The following RNF130 variants were observed in gnomAD, a reference collection of about 807,000 sequenced individuals.
The protein encoded by RNF130 is E3 ubiquitin-protein ligase RNF130.
A neutral mutation model predicts 44.6 loss-of-function variants in RNF130; 21 were observed. The observed-to-expected ratio is 0.47, with a 90% CI of 0.33 to 0.68. The LOEUF (loss-of-function observed/expected upper bound fraction) is 0.68, where lower values mean the gene tolerates loss of function less well. Among genes scored for constraint, RNF130 ranks in the 30% least tolerant of loss-of-function variants. The pLI, the probability that RNF130 is intolerant of heterozygous loss-of-function variation, is 0.02. For synonymous variants in RNF130, 214 were observed against 210.4 expected, an observed-to-expected ratio of 1.02 and a Z score of -0.15; for missense variants, 479 against 560.6, an observed-to-expected ratio of 0.85 and a Z score of 1.47.
Position 179,960,845 on chromosome 5 carries a change from G to GA in RNF130, c.1244+2625dup, listed in dbSNP as rs5873676. Among the ~76,000 whole-genome samples the GA allele has an allele frequency of 2.2e-3, 325 of 147,978 alleles. 3 individuals are homozygous for GA. Among genetic ancestry groups the GA allele is most frequent in the South Asian group, 6.8e-3 (32 of 4,682 alleles). On this transcript the variant is annotated intron_variant, in intron 8 of 8. Transcript: ENST00000521389. ...AAAATTAAGCCAGGGCAATTAAGGTGAAAAAAAAAAAAATCTTATTTTGGT... is the reference window on the plus strand; with the variant it reads ...AAAATTAAGCCAGGGCAATTAAGGTGAAAAAAAAAAAAAATCTTATTTTGGT...
downstream of RNF130, among the ~76,000 whole-genome samples, chr5:179,952,327 T>TA (rs1762138168): frequency 6.6e-6 from 1 of 152,028 alleles, no homozygotes. Flanking sequence ...CAACTATAAA[T>TA]AAAAAACCTG....
intron 1 of RNF130, among the ~76,000 whole-genome samples, chr5:180,065,225 T>A (rs569144942): frequency 6.6e-6 from 1 of 152,038 alleles, no homozygotes; most frequent in Non-Finnish European, 1.5e-5. Context: ...TCATGGAAAA[T>A]TTTCCCCTTT....
chr5:179,948,206 G>T (rs756229087), intron 7 of RNF130, among the ~76,000 whole-genome samples: 3 of 152,166 alleles, frequency 2.0e-5, no homozygotes, highest in East Asian at 1.9e-4. Context: ...CTCTCATTCA[G>T]ATATTGCGAA....
intron 8 of RNF130, among the ~76,000 whole-genome samples, chr5:179,962,761 C>CCTG (rs1311351192): frequency 6.6e-6 from 1 of 152,190 alleles, no homozygotes; most frequent in Non-Finnish European, 1.5e-5. Context: ...CACCTCACTA[C>CCTG]AGCACCCCTG....
At chr5:180,043,318 C>CT (rs1764472539) in intron 1 of RNF130, among the ~76,000 whole-genome samples, 1 of 152,176 alleles carries the variant, frequency 6.6e-6, no homozygotes, top group African/African-American at 2.4e-5. Flanking sequence ...GAGCAAGACT[C>CT]TATCTCTAAA....
chr5:179,974,751 G>A (rs533037013), intron 5 of RNF130, among the ~76,000 whole-genome samples: 23 of 152,370 alleles, frequency 1.5e-4, no homozygotes, highest in South Asian at 1.0e-3. Context: ...CGAGTGTCAC[G>A]AGATGCCGGC....
intron 1 of RNF130, among the ~76,000 whole-genome samples, chr5:180,060,866 G>A (rs1196130326): frequency 1.1e-4 from 16 of 152,000 alleles, no homozygotes; most frequent in Admixed American, 8.5e-4. Context: ...TCGGGCGATC[G>A]AGACCATCCT....
At chr5:179,998,886 T>TATATATATATATATATATATATATATA (rs1389273465) in intron 3 of RNF130, among the ~76,000 whole-genome samples, 10 of 105,854 alleles carry the variant, frequency 9.4e-5, no homozygotes, top group Admixed American at 2.8e-4. Flanking sequence ...TATATATATG[T>TATATATATATATATATATATATATATA]TTTATATATC....
intron 3 of RNF130, among the ~76,000 whole-genome samples, chr5:179,982,870 C>CGCCGT (rs1344954301): frequency 6.6e-6 from 1 of 152,200 alleles, no homozygotes; most frequent in Non-Finnish European, 1.5e-5. Context: ...AGGTGTGAGC[C>CGCCGT]ACGGCACGCA....
chr5:179,917,939 G>A (rs191183977), exon 8 of RNF130: 1 of 152,390 alleles, frequency 6.6e-6, no homozygotes, highest in African/African-American at 2.4e-5. Context: ...CCAGGAGGTG[G>A]AGGCTGCAGT....
At chr5:179,937,933 T>TGTGAGAGAGA (rs1268947878) in intron 7 of RNF130, among the ~76,000 whole-genome samples, 18 of 116,220 alleles carry the variant, frequency 1.5e-4, no homozygotes, top group Admixed American at 2.6e-4. Context: ...TGTGTGTGTG[T>TGTGAGAGAGA]GAGAGAGAGA....
chr5:180,015,141 A>C (rs940567769), intron 2 of RNF130, among the ~76,000 whole-genome samples: 1 of 152,216 alleles, frequency 6.6e-6, no homozygotes, highest in Non-Finnish European at 1.5e-5. Flanking sequence ...AAAACTATAA[A>C]ATTAAAGCAA....
At chr5:179,981,435 A>C (rs1476926834) in intron 3 of RNF130, among the ~76,000 whole-genome samples, 1 of 152,248 alleles carries the variant, frequency 6.6e-6, no homozygotes, top group African/African-American at 2.4e-5. Context: ...CATGTAAGAA[A>C]AAATTTAGGG....
chr5:180,026,117 CA>C (rs34361237), intron 2 of RNF130, among the ~76,000 whole-genome samples: 16,812 of 130,838 alleles, frequency 0.13, 1,949 homozygotes, highest in African/African-American at 0.33. Context: ...TTCAACCATC[CA>C]AAAAAAAAAA....
At chr5:179,949,763 G>A (rs1342982766) in intron 7 of RNF130, among the ~76,000 whole-genome samples, 2 of 152,106 alleles carry the variant, frequency 1.3e-5, no homozygotes, top group South Asian at 2.1e-4. Context: ...AGCCTGCGTC[G>A]CTTGGCACGC....
chr5:180,015,467 G>A (rs1763695979), intron 2 of RNF130: 1 of 403,960 alleles, frequency 2.5e-6, no homozygotes, highest in Non-Finnish European at 5.5e-6. Context: ...GAAAGGAGTA[G>A]GGAAAGGAGT....
At chr5:179,918,771 C>T (rs1034570552) in exon 8 of RNF130, 8 of 152,188 alleles carry the variant, frequency 5.3e-5, no homozygotes, top group Non-Finnish European at 8.8e-5. Flanking sequence ...CTCAAATGAG[C>T]GAAAACGAAA....
exon 8 of RNF130, chr5:179,913,930 C>G (rs1761504460): frequency 6.6e-6 from 1 of 152,260 alleles, no homozygotes; most frequent in Non-Finnish European, 1.5e-5. Flanking sequence ...TTGCCTCGGA[C>G]AGTAAGGAAA....
chr5:180,060,532 G>A (rs1008763872), intron 1 of RNF130, among the ~76,000 whole-genome samples: 4 of 152,106 alleles, frequency 2.6e-5, no homozygotes, highest in African/African-American at 7.2e-5. Context: ...ATGGAATAAC[G>A]CCCAGCAGCC....
Sources: allele counts gnomAD v4.1 joint callset (sites outside exome capture counted in the v4.1 genomes callset), GRCh38; gene constraint gnomAD v4.1.1; transcripts MANE v1.5; gene names NCBI Gene and HGNC (gene_info 2026-07-23, HGNC 2026-07-21).